FRMPD3: variants seen among roughly 807,000 people sequenced by gnomAD.
The protein encoded by FRMPD3 is FERM and PDZ domain-containing protein 3.
A neutral mutation model predicts 97.9 loss-of-function variants in FRMPD3; 42 were observed. The observed-to-expected ratio is 0.43, with a 90% CI of 0.34 to 0.55. The LOEUF (loss-of-function observed/expected upper bound fraction) is 0.55, where lower values mean the gene tolerates loss of function less well. Ranked by LOEUF, FRMPD3 falls within the 20% of genes least tolerant of loss-of-function variation. The pLI is 0.03. For synonymous variants in FRMPD3, 577 were observed against 581.1 expected (o/e 0.99, Z 0.10); for missense variants, 1,303 against 1,457.7 (o/e 0.89, Z 1.73).
intron 5 of FRMPD3, among the ~76,000 whole-genome samples, chrX:107,549,307 A>C (rs1157124653): frequency 9.1e-6 from 1 of 109,741 alleles, no homozygotes; most frequent in Non-Finnish European, 1.9e-5. Flanking sequence ...TGGGCGACAG[A>C]GCGAGACTCT....
At chrX:107,451,166 C>T (rs972116506) in intron 1 of FRMPD3, among the ~76,000 whole-genome samples, 3 of 112,318 alleles carry the variant, frequency 2.7e-5, no homozygotes, top group Non-Finnish European at 5.6e-5. Flanking sequence ...ACCTGCCCCT[C>T]CCCTTGGCAT....
intron 4 of FRMPD3, among the ~76,000 whole-genome samples, chrX:107,538,107 G>T (rs1201491952): frequency 1.8e-5 from 2 of 111,476 alleles, no homozygotes; most frequent in Admixed American, 1.9e-4. Context: ...AGTGGCCTCA[G>T]GCAAGTCACT....
intron 1 of FRMPD3, among the ~76,000 whole-genome samples, chrX:107,513,940 A>T (rs922190100): frequency 8.9e-6 from 1 of 112,293 alleles, no homozygotes; most frequent in Admixed American, 9.4e-5. Flanking sequence ...ACAAATCGTG[A>T]TGAGTCTGCA....
chrX:107,505,551 C>A (rs963688077), intron 1 of FRMPD3, among the ~76,000 whole-genome samples: 10 of 112,299 alleles, frequency 8.9e-5, no homozygotes, highest in African/African-American at 2.9e-4. Context: ...TAGAGACAGA[C>A]CTTGTCTCAA....
intron 12 of FRMPD3, among the ~76,000 whole-genome samples, chrX:107,575,918 A>T (rs913837728): frequency 9.0e-6 from 1 of 111,496 alleles, no homozygotes; most frequent in Admixed American, 9.5e-5. Context: ...GGGACTTAGA[A>T]TCGAGGGTGT....
At chrX:107,581,094 C>G (rs962710963) in intron 13 of FRMPD3, among the ~76,000 whole-genome samples, 18 of 111,128 alleles carry the variant, frequency 1.6e-4, no homozygotes, top group Admixed American at 4.8e-4. Context: ...TACAGAGTAC[C>G]CTTTTTTGCT....
rs1481807711 is a variant in FRMPD3, at chrX:107,603,324, C to T, written c.5285C>T (p.Ala1762Val). 6.3e-6 allele frequency: 7 copies of T among 1,114,365 alleles called. No individual in the cohort carries two copies. Among genetic ancestry groups the T allele is most frequent in the Middle Eastern group, 2.4e-4 (1 of 4,207 alleles). 91.8% of individuals were successfully genotyped at this position (1,114,365 alleles called of 1,213,427 possible). A position where few individuals can be genotyped will look rare whatever the true frequency, so the allele number is the denominator to read the frequency against. The change falls in exon 15 of 15, where the codon GCG (alanine) becomes GTG (valine). Residue 1762 changes from alanine (A) to valine (V), a missense_variant. Coordinates refer to ENST00000683843, the MANE Select transcript of FRMPD3 (RefSeq NM_001388459.1). The stretch of plus-strand genomic sequence containing the variant: ...CATCCACCAGGCTCCCCAACTTCGG[C>T]GACTGTTATGAGCACATTCACCCAC... Reference protein sequence around the residue: ...TEHPPGSPTSATVMSTFTHSL... With the variant: ...TEHPPGSPTSVTVMSTFTHSL...
chrX:107,519,848 C>A (rs898363598), intron 1 of FRMPD3, among the ~76,000 whole-genome samples: 6 of 111,842 alleles, frequency 5.4e-5, no homozygotes, highest in East Asian at 2.8e-4. Context: ...AAACCAAAAA[C>A]CCCAGTTTCC....
At chrX:107,516,474 G>A (rs1437079154) in intron 1 of FRMPD3, among the ~76,000 whole-genome samples, 1 of 111,464 alleles carries the variant, frequency 9.0e-6, no homozygotes, top group Non-Finnish European at 1.9e-5. Context: ...ATGGTTGAAA[G>A]AGTTTACAGT....
chrX:107,586,258 AG>A, intron 13 of FRMPD3, among the ~76,000 whole-genome samples: 2 of 111,723 alleles, frequency 1.8e-5, no homozygotes, highest in Non-Finnish European at 3.8e-5. Flanking sequence ...CTCTGATGGC[AG>A]TTTGTATTTC....
intron 1 of FRMPD3, among the ~76,000 whole-genome samples, chrX:107,516,277 A>G (rs369723381): frequency 9.1e-6 from 1 of 110,180 alleles, no homozygotes; most frequent in Non-Finnish European, 1.9e-5. Context: ...GTCTATCATT[A>G]TTGGACATTT....
intron 13 of FRMPD3, among the ~76,000 whole-genome samples, chrX:107,593,727 G>A (rs750899161): frequency 9.0e-6 from 1 of 111,454 alleles, no homozygotes; most frequent in Admixed American, 9.6e-5. Context: ...TTATTTTTGG[G>A]TTCTCTATTC....
chrX:107,556,265 T>C lies in FRMPD3; in HGVS notation c.762+1761T>C, dbSNP rs73638943. The stretch of plus-strand genomic sequence containing the variant: ...CATTTACCAACCTTCTAGGAGGCAA[T>C]GAGTTGTGGTTGCTCTGTGAATTTT... On this transcript the variant is annotated intron_variant, in intron 8 of 14. Coordinates refer to ENST00000683843, the MANE Select transcript of FRMPD3 (RefSeq NM_001388459.1). Among the ~76,000 whole-genome samples, 517 of 111,111 alleles carry C rather than the reference T, an allele frequency of 4.7e-3. 3 individuals are homozygous for C. The highest frequency in any genetic ancestry group is 0.016 in the African/African-American group (492 of 30,642).
intron 4 of FRMPD3, among the ~76,000 whole-genome samples, chrX:107,537,873 A>T (rs1161344813): frequency 8.9e-6 from 1 of 111,894 alleles, no homozygotes; most frequent in Non-Finnish European, 1.9e-5. Flanking sequence ...TTTCCTGGTC[A>T]TTTGCAGACA....
intron 13 of FRMPD3, among the ~76,000 whole-genome samples, chrX:107,587,784 A>AT (rs1002741014): frequency 9.1e-5 from 10 of 109,909 alleles, no homozygotes; most frequent in African/African-American, 3.0e-4. Flanking sequence ...GGTCCTCAAT[A>AT]TTTTTTTTTA....
chrX:107,524,995 C>CAAAAAAA (rs750900204), intron 1 of FRMPD3, among the ~76,000 whole-genome samples: 1 of 13,735 alleles, frequency 7.3e-5, no homozygotes, highest in Non-Finnish European at 2.1e-4. Flanking sequence ...GACTCCATCT[C>CAAAAAAA]AAAAAAAAAA....
intron 13 of FRMPD3, among the ~76,000 whole-genome samples, chrX:107,582,265 C>T (rs1038200426): frequency 1.8e-5 from 2 of 110,696 alleles, no homozygotes; most frequent in Non-Finnish European, 3.8e-5. Context: ...CTCACTGCGA[C>T]CTCTGCCTCC....
At position 107,560,361 on chromosome X, in the gene FRMPD3, A is replaced by C; in HGVS notation, c.867A>C (p.Arg289=). 2.5e-6 allele frequency: 3 copies of C among 1,209,311 alleles called. No individual in the cohort carries two copies. Among genetic ancestry groups the C allele is most frequent in the Non-Finnish European group, 3.4e-6 (3 of 895,038 alleles). The change falls in exon 9 of 15, where the codon CGA becomes CGC. Residue 289 remains arginine (R), a synonymous_variant. Coordinates refer to ENST00000683843, the MANE Select transcript of FRMPD3 (RefSeq NM_001388459.1). ...LHIYITVSAT[R]PSQKISLKNV... is the part of the protein sequence containing the mutation. ...TCTATATCACTGTCTCAGCCACTCGACCTAGTCAGAAGATCTCGCTCAAGA... is the reference window on the plus strand; with the variant it reads ...TCTATATCACTGTCTCAGCCACTCGCCCTAGTCAGAAGATCTCGCTCAAGA...
At chrX:107,484,133 G>A (rs771107783) in intron 1 of FRMPD3, among the ~76,000 whole-genome samples, 1 of 112,008 alleles carries the variant, frequency 8.9e-6, no homozygotes, top group South Asian at 3.7e-4. Context: ...GGCTACGCTC[G>A]AAGCCCACTG....
Sources: gnomAD v4.1 joint callset for allele counts (sites outside exome capture counted in the v4.1 genomes callset) on GRCh38, gnomAD v4.1.1 for gene constraint, MANE v1.5 for transcripts, NCBI Gene and HGNC (gene_info 2026-07-23, HGNC 2026-07-21) for gene names.